YAP1: variants seen among roughly 807,000 people sequenced by gnomAD.
YAP1 encodes Yes1 associated transcriptional regulator.
YAP1 carries 5 observed loss-of-function variants against 56.9 expected under a neutral mutation model. That is an observed-to-expected ratio of 0.09 (90% CI 0.05 to 0.18). The LOEUF (loss-of-function observed/expected upper bound fraction) is 0.18. YAP1 is among the 10% of genes least tolerant of loss of function. The pLI, the probability that YAP1 is intolerant of heterozygous loss-of-function variation, is 1.00. For synonymous variants in YAP1, 265 were observed against 248.1 expected (o/e 1.07, Z -0.64); for missense variants, 539 against 651.8 (o/e 0.83, Z 1.88).
intron 3 of YAP1, among the ~76,000 whole-genome samples, chr11:102,175,508 G>T (rs1947191448): frequency 6.6e-6 from 1 of 152,218 alleles, no homozygotes; most frequent in Non-Finnish European, 1.5e-5. Flanking sequence ...ATAAGTTAGT[G>T]ATAATAATAT....
intron 2 of YAP1, among the ~76,000 whole-genome samples, chr11:102,145,949 G>C (rs1158109120): frequency 6.6e-6 from 1 of 152,182 alleles, no homozygotes; most frequent in Non-Finnish European, 1.5e-5. Context: ...CTGCCAGAGA[G>C]ACTAAAAGAG....
At chr11:102,217,915 G>C (rs1226335842) in intron 6 of YAP1, among the ~76,000 whole-genome samples, 1 of 152,052 alleles carries the variant, frequency 6.6e-6, no homozygotes, top group East Asian at 1.9e-4. Context: ...TGGTCAGGCT[G>C]GTCTCGAACT....
chr11:102,194,112 T>C (rs1948449877), intron 4 of YAP1, among the ~76,000 whole-genome samples: 1 of 152,228 alleles, frequency 6.6e-6, no homozygotes, highest in Non-Finnish European at 1.5e-5. Context: ...GCCTTTTACA[T>C]AGTTTTTTAA....
At chr11:102,209,895 T>C (rs1949310433) in intron 6 of YAP1, among the ~76,000 whole-genome samples, 1 of 152,216 alleles carries the variant, frequency 6.6e-6, no homozygotes, top group Non-Finnish European at 1.5e-5. Flanking sequence ...TAAAATAGTA[T>C]GTGTAATGAT....
rs78032003 is a variant in YAP1 at position 102,204,888 on chromosome 11, G to T, written c.803-1005G>T. Among the ~76,000 whole-genome samples the T allele has an allele frequency of 9.6e-3, 1,466 of 152,252 alleles. 13 individuals are homozygous for T. The highest frequency in any genetic ancestry group is 0.034 in the African/African-American group (1,393 of 41,550). ...GACTGGTATTATTTCTTCCTTGAAT[G>T]ACTGCAAAGCCATTGGGACCTGGGG... On this transcript the variant is annotated intron_variant, in intron 4 of 8. Transcript: ENST00000282441.
intron 2 of YAP1, among the ~76,000 whole-genome samples, chr11:102,120,321 G>A (rs1943572051): frequency 6.6e-6 from 1 of 152,126 alleles, no homozygotes; most frequent in African/African-American, 2.4e-5. Flanking sequence ...CAAGGAAAAT[G>A]GTCAGTATTT....
At chr11:102,227,107 A>G (rs531504779) in intron 7 of YAP1, 3 of 180,838 alleles carry the variant, frequency 1.7e-5, no homozygotes, top group African/African-American at 7.1e-5. Flanking sequence ...GTTCCTCCGC[A>G]CCCCCAGATT....
intron 2 of YAP1, among the ~76,000 whole-genome samples, chr11:102,149,428 A>C (rs950375640): frequency 9.2e-5 from 14 of 152,230 alleles, no homozygotes; most frequent in African/African-American, 2.4e-5. Context: ...AAGGGTTCAA[A>C]ATGAATGTTA....
intron 3 of YAP1, among the ~76,000 whole-genome samples, chr11:102,179,414 TAA>T (rs1947453432): frequency 6.6e-6 from 1 of 152,204 alleles, no homozygotes; most frequent in Non-Finnish European, 1.5e-5. Flanking sequence ...TACTGTTTAA[TAA>T]TGGTAATCCC....
intron 4 of YAP1, among the ~76,000 whole-genome samples, chr11:102,188,479 T>C (rs1948102716): frequency 6.6e-6 from 1 of 152,218 alleles, no homozygotes; most frequent in Non-Finnish European, 1.5e-5. Flanking sequence ...TATTTAGTAA[T>C]TACACTTCAT....
intron 4 of YAP1, among the ~76,000 whole-genome samples, chr11:102,202,883 C>T (rs1033871051): frequency 6.6e-6 from 1 of 152,070 alleles, no homozygotes; most frequent in Non-Finnish European, 1.5e-5. Flanking sequence ...AGTATTCTTG[C>T]CAAAAATTGT....
At chr11:102,130,086 T>C (rs1944286234) in intron 2 of YAP1, among the ~76,000 whole-genome samples, 1 of 152,078 alleles carries the variant, frequency 6.6e-6, no homozygotes. Flanking sequence ...CAGAAACCTT[T>C]TAAAACTGCA....
At chr11:102,225,337 T>G (rs1803981359) in intron 7 of YAP1, among the ~76,000 whole-genome samples, 1 of 151,792 alleles carries the variant, frequency 6.6e-6, no homozygotes, top group African/African-American at 2.4e-5. Context: ...AATACAAAAT[T>G]AGTTGGGCAT....
At chr11:102,200,949 A>C (rs1324071619) in intron 4 of YAP1, among the ~76,000 whole-genome samples, 2 of 152,032 alleles carry the variant, frequency 1.3e-5, no homozygotes, top group Non-Finnish European at 2.9e-5. Flanking sequence ...GCAAAAAAGC[A>C]CTCTTACATT....
chr11:102,203,055 A>C (rs1948954756), intron 4 of YAP1, among the ~76,000 whole-genome samples: 1 of 152,214 alleles, frequency 6.6e-6, no homozygotes, highest in Non-Finnish European at 1.5e-5. Flanking sequence ...GAAAAAACCA[A>C]GGGGGAACCT....
At chr11:102,166,398 C>T (rs551716417) in intron 3 of YAP1, among the ~76,000 whole-genome samples, 1 of 152,228 alleles carries the variant, frequency 6.6e-6, no homozygotes, top group Non-Finnish European at 1.5e-5. Flanking sequence ...ACCTCATGTT[C>T]ACATAAAATA....
At chr11:102,144,471 A>G (rs1945203433) in intron 2 of YAP1, among the ~76,000 whole-genome samples, 1 of 152,158 alleles carries the variant, frequency 6.6e-6, no homozygotes, top group South Asian at 2.1e-4. Flanking sequence ...TTTTTCTAGG[A>G]TGCATATTTT....
At chr11:102,199,907 C>T (rs1315203771) in intron 4 of YAP1, among the ~76,000 whole-genome samples, 3 of 152,184 alleles carry the variant, frequency 2.0e-5, no homozygotes, top group African/African-American at 7.2e-5. Flanking sequence ...CACAGAGTCA[C>T]AAATTGTCTA....
intron 6 of YAP1, among the ~76,000 whole-genome samples, chr11:102,213,034 C>T (rs943279075): frequency 6.6e-6 from 1 of 152,174 alleles, no homozygotes; most frequent in Non-Finnish European, 1.5e-5. Flanking sequence ...ATCTCTGTTA[C>T]ACATCAGTGC....
Sources: allele counts gnomAD v4.1 joint callset (sites outside exome capture counted in the v4.1 genomes callset), GRCh38; gene constraint gnomAD v4.1.1; transcripts MANE v1.5; gene names NCBI Gene and HGNC (gene_info 2026-07-23, HGNC 2026-07-21).